The following ATP10A variants were observed in gnomAD, a reference collection of about 807,000 sequenced individuals.
ATP10A encodes phospholipid-transporting ATPase VA.
A neutral mutation model predicts 147.8 loss-of-function variants in ATP10A; 111 were observed. The observed-to-expected ratio is 0.75, with a 90% CI of 0.64 to 0.88. The LOEUF (loss-of-function observed/expected upper bound fraction) is 0.88. ATP10A is among the 40% of genes least tolerant of loss of function. The pLI, the probability that ATP10A is intolerant of heterozygous loss-of-function variation, is 0.00. For synonymous variants in ATP10A, 875 were observed against 841.6 expected (o/e 1.04, Z -0.69); for missense variants, 1,927 against 1,959.0 (o/e 0.98, Z 0.31).
intron 1 of ATP10A, among the ~76,000 whole-genome samples, chr15:25,859,244 G>A (rs950216796): frequency 8.5e-5 from 13 of 152,092 alleles, no homozygotes; most frequent in African/African-American, 2.9e-4. Context: ...CTCAGCTCTC[G>A]GCCCCGAGGG....
At chr15:25,680,696 T>C in intron 19 of ATP10A, 114 bp downstream of exon 19, 2 of 975,906 alleles carry the variant, frequency 2.0e-6, no homozygotes, top group Non-Finnish European at 3.2e-6. Context: ...GAGGTCAGCT[T>C]TGCAGTCTCC....
intron 13 of ATP10A, among the ~76,000 whole-genome samples, chr15:25,701,131 G>A (rs1371737374): frequency 6.6e-6 from 1 of 152,188 alleles, no homozygotes; most frequent in Non-Finnish European, 1.5e-5. Context: ...GGCTTGAAAG[G>A]CAGCCTTTCC....
chr15:25,703,890 G>C (rs1458648926), intron 12 of ATP10A, among the ~76,000 whole-genome samples: 2 of 152,220 alleles, frequency 1.3e-5, no homozygotes, highest in Non-Finnish European at 2.9e-5. Context: ...GCCCAGAAAG[G>C]AGGAGGGAAC....
chr15:25,723,448 G>A (rs1432088811), intron 6 of ATP10A, among the ~76,000 whole-genome samples: 3 of 151,978 alleles, frequency 2.0e-5, no homozygotes, highest in African/African-American at 7.3e-5. Context: ...TCACATTAGG[G>A]GAAAGTGGGT....
chr15:25,809,744 C>G (rs896057956), intron 1 of ATP10A, among the ~76,000 whole-genome samples: 3 of 152,126 alleles, frequency 2.0e-5, no homozygotes, highest in African/African-American at 4.8e-5. Context: ...TGCATTTAAT[C>G]TCTCGTCTCC....
intron 1 of ATP10A, among the ~76,000 whole-genome samples, chr15:25,842,884 T>C (rs955052217): frequency 1.4e-4 from 22 of 152,108 alleles, no homozygotes; most frequent in African/African-American, 5.1e-4. Context: ...TGGCTATTTA[T>C]GTATGTATAC....
At chr15:25,681,212 G>A in intron 17 of ATP10A, 138 bp from the exon 18 acceptor site, 1 of 792,564 alleles carries the variant, frequency 1.3e-6, no homozygotes, top group African/African-American at 1.8e-5. Flanking sequence ...AGTAGAGCTG[G>A]GAAAGGCCAT....
At chr15:25,820,257 C>A (rs1450773789) in intron 1 of ATP10A, among the ~76,000 whole-genome samples, 2 of 152,064 alleles carry the variant, frequency 1.3e-5, no homozygotes, top group Non-Finnish European at 2.9e-5. Flanking sequence ...GGGGTTTGTC[C>A]ACGGAAGGTA....
intron 2 of ATP10A, among the ~76,000 whole-genome samples, chr15:25,772,581 A>G (rs184483924): frequency 1.3e-5 from 2 of 152,336 alleles, no homozygotes; most frequent in East Asian, 3.9e-4. Flanking sequence ...TCCAAAACAA[A>G]CCTACATCCA....
chr15:25,736,208 GC>G, intron 2 of ATP10A, 67 bp from the exon 3 acceptor site: 1 of 1,345,972 alleles, frequency 7.4e-7, no homozygotes, highest in South Asian at 1.2e-5. Flanking sequence ...AAAGGCACTC[GC>G]TTTTCTGTCT....
chr15:25,754,659 G>C (rs77848865), intron 2 of ATP10A, among the ~76,000 whole-genome samples: 1 of 152,076 alleles, frequency 6.6e-6, no homozygotes, highest in Non-Finnish European at 1.5e-5. Context: ...CCCAATATCC[G>C]ACATAAAAAT....
At position 25,678,841 on chromosome 15, in the gene ATP10A, TG is replaced by T. The variant is rs1392532835; in HGVS notation, c.*499del. The T allele has an allele frequency of 6.6e-6, 1 of 152,236 alleles. No individual in the cohort carries two copies. The highest frequency in any genetic ancestry group is 2.4e-5 in the African/African-American group (1 of 41,446). 9.4% of individuals were successfully genotyped at this position (152,236 alleles called of 1,614,324 possible). On this transcript the variant is annotated 3_prime_UTR_variant, in exon 21 of 21. Coordinates refer to ENST00000555815, the MANE Select transcript of ATP10A (RefSeq NM_024490.4). ...AACAGAATGCTGGGATGCACTCAAC[TG>T]TGAATTTTTCTTGAGGTCTTCCTTT...
At chr15:25,687,419 T>C (rs1287295015) in intron 16 of ATP10A, among the ~76,000 whole-genome samples, 1 of 151,960 alleles carries the variant, frequency 6.6e-6, no homozygotes, top group African/African-American at 2.4e-5. Flanking sequence ...CTCATAATTA[T>C]GCCCCTTCTC....
intron 1 of ATP10A, among the ~76,000 whole-genome samples, chr15:25,844,783 C>G (rs1038000821): frequency 6.6e-6 from 1 of 152,142 alleles, no homozygotes; most frequent in Non-Finnish European, 1.5e-5. Flanking sequence ...TGTGGCTTGC[C>G]GTCTGGGGAC....
At chr15:25,822,588 T>C (rs183464229) in intron 1 of ATP10A, among the ~76,000 whole-genome samples, 195 of 152,172 alleles carry the variant, frequency 1.3e-3, no homozygotes, top group African/African-American at 4.4e-3. Flanking sequence ...GCACCCAAAT[T>C]GACACAATGA....
At chr15:25,780,678 T>C (rs191683641) in intron 2 of ATP10A, among the ~76,000 whole-genome samples, 1 of 152,346 alleles carries the variant, frequency 6.6e-6, no homozygotes, top group Non-Finnish European at 1.5e-5. Context: ...TCCTGCTGCG[T>C]TGCCATTTAG....
chr15:25,719,467 C>T (rs200628749), intron 7 of ATP10A, among the ~76,000 whole-genome samples: 2 of 152,136 alleles, frequency 1.3e-5, no homozygotes, highest in South Asian at 2.1e-4. Flanking sequence ...CCCAGTGCAC[C>T]GGAAGCAAGG....
At chr15:25,772,591 A>G (rs1372465581) in intron 2 of ATP10A, among the ~76,000 whole-genome samples, 1 of 152,218 alleles carries the variant, frequency 6.6e-6, no homozygotes, top group African/African-American at 2.4e-5. Context: ...ACCTACATCC[A>G]TAATGCTTTG....
At chr15:25,834,083 GTTA>G (rs1371027821) in intron 1 of ATP10A, among the ~76,000 whole-genome samples, 2 of 152,020 alleles carry the variant, frequency 1.3e-5, no homozygotes, top group Non-Finnish European at 2.9e-5. Context: ...AACTATGTGT[GTTA>G]TTAACTATTC....
Sources: allele counts gnomAD v4.1 joint callset (sites outside exome capture counted in the v4.1 genomes callset), GRCh38; gene constraint gnomAD v4.1.1; transcripts MANE v1.5; gene names NCBI Gene and HGNC (gene_info 2026-07-23, HGNC 2026-07-21).